Variants in ZFHX3 observed in about 807,000 individuals in gnomAD.
ZFHX3 encodes zinc finger homeobox 3.
Under a neutral mutation model 279.1 loss-of-function variants are expected in ZFHX3, and 42 were observed. That is an observed-to-expected ratio of 0.15 (90% CI 0.12 to 0.19). The LOEUF is 0.19. Ranked by LOEUF, ZFHX3 falls within the 10% of genes least tolerant of loss-of-function variation. The pLI is 1.00. For missense variants in ZFHX3, 4,981 were observed against 4,754.0 expected (o/e 1.05, Z -1.40); for synonymous variants, 2,293 against 1,957.8 (o/e 1.17, Z -4.52).
chr16:73,716,361 T>G (rs1242110793), intron 1 of ZFHX3, among the ~76,000 whole-genome samples: 1 of 152,170 alleles, frequency 6.6e-6, no homozygotes, highest in East Asian at 1.9e-4. Context: ...AGATTCAGCA[T>G]GTAATTTCCA....
At chr16:73,096,320 G>A (rs1305473167) in intron 7 of ZFHX3, among the ~76,000 whole-genome samples, 4 of 151,528 alleles carry the variant, frequency 2.6e-5, no homozygotes, top group Non-Finnish European at 1.5e-5. Flanking sequence ...CCTCCATCTC[G>A]TAGGCGCTCT....
intron 1 of ZFHX3, among the ~76,000 whole-genome samples, chr16:73,013,607 T>A (rs182068366): frequency 2.5e-4 from 38 of 152,070 alleles, no homozygotes; most frequent in Non-Finnish European, 4.1e-4. Context: ...TTATAAACAC[T>A]CTCTTTTATT....
At chr16:73,890,826 A>G (rs551081669) in intron 1 of ZFHX3, among the ~76,000 whole-genome samples, 1 of 152,222 alleles carries the variant, frequency 6.6e-6, no homozygotes, top group South Asian at 2.1e-4. Flanking sequence ...TTAAAATTCA[A>G]ATTTCACACT....
chr16:73,306,050 G>C (rs1220206616), intron 4 of ZFHX3, among the ~76,000 whole-genome samples: 2 of 152,202 alleles, frequency 1.3e-5, no homozygotes, highest in Admixed American at 6.5e-5. Flanking sequence ...CAAAATCTCA[G>C]GTGACGCTGA....
chr16:72,906,805 T>TC (rs972910660), intron 3 of ZFHX3, among the ~76,000 whole-genome samples: 7 of 151,346 alleles, frequency 4.6e-5, no homozygotes, highest in African/African-American at 7.3e-5. Context: ...CCACCCCCCT[T>TC]CCCCCCCTCA....
At chr16:73,388,319 C>T (rs538121536) in intron 3 of ZFHX3, among the ~76,000 whole-genome samples, 1 of 152,136 alleles carries the variant, frequency 6.6e-6, no homozygotes, top group African/African-American at 2.4e-5. Flanking sequence ...AAGGAATGGA[C>T]AATTGACAAA....
chr16:73,434,781 G>A (rs1215877464), intron 3 of ZFHX3, among the ~76,000 whole-genome samples: 4 of 152,132 alleles, frequency 2.6e-5, no homozygotes, highest in African/African-American at 4.8e-5. Flanking sequence ...GAAGGTCAGT[G>A]ACTTCAACAG....
chr16:73,437,546 A>C (rs1057332735), intron 3 of ZFHX3, among the ~76,000 whole-genome samples: 2 of 152,176 alleles, frequency 1.3e-5, no homozygotes, highest in African/African-American at 4.8e-5. Context: ...GACTCCCCCA[A>C]AGATTTTTAC....
intron 3 of ZFHX3, chr16:73,421,097 G>A (rs1462378984): frequency 1.3e-5 from 2 of 152,106 alleles, no homozygotes; most frequent in Non-Finnish European, 2.9e-5. Context: ...TAACATGCCA[G>A]TTGATACCAC....
intron 5 of ZFHX3, among the ~76,000 whole-genome samples, chr16:73,181,407 A>G (rs1967793968): frequency 6.6e-6 from 1 of 152,166 alleles, no homozygotes; most frequent in African/African-American, 2.4e-5. Flanking sequence ...GCTAGTTTTT[A>G]GAGCCCCATG....
At position 72,935,237 on chromosome 16, in the gene ZFHX3, G is replaced by A. The variant is rs1960054384; in HGVS notation, c.3216+15232C>T. Reference sequence around the variant, plus strand: ...ACATGGGACAGGAGGAGAGAAGCAGGTCAGAGCTTCTCTCACTGGGAATAT... The same window carrying A: ...ACATGGGACAGGAGGAGAGAAGCAGATCAGAGCTTCTCTCACTGGGAATAT... On this transcript the variant is annotated intron_variant, in intron 3 of 9. Coordinates refer to ENST00000268489, the MANE Select transcript of ZFHX3 (RefSeq NM_006885.4). Among the ~76,000 whole-genome samples the A allele has an allele frequency of 2.0e-5, 3 of 152,168 alleles. No homozygotes were observed. In the South Asian group the frequency reaches 6.2e-4, roughly 31 times the overall value.
chr16:73,004,759 C>T (rs1963645637), intron 1 of ZFHX3, among the ~76,000 whole-genome samples: 1 of 152,112 alleles, frequency 6.6e-6, no homozygotes, highest in South Asian at 2.1e-4. Flanking sequence ...TTTAAGTAGA[C>T]TACATCAATC....
At chr16:72,875,206 CAA>C (rs1567559215) in intron 4 of ZFHX3, among the ~76,000 whole-genome samples, 1 of 152,252 alleles carries the variant, frequency 6.6e-6, no homozygotes, top group Non-Finnish European at 1.5e-5. Context: ...TAGGGAATTC[CAA>C]ACTTACAGGC....
At chr16:73,820,513 C>G (rs567487730) in intron 1 of ZFHX3, among the ~76,000 whole-genome samples, 1 of 152,090 alleles carries the variant, frequency 6.6e-6, no homozygotes, top group African/African-American at 2.4e-5. Flanking sequence ...ATGATAGGTT[C>G]TGGTCAACTG....
At chr16:73,121,234 A>G (rs1267118420) in intron 7 of ZFHX3, among the ~76,000 whole-genome samples, 4 of 152,256 alleles carry the variant, frequency 2.6e-5, no homozygotes, top group Admixed American at 6.5e-5. Context: ...ATTGAGATGT[A>G]CTGTAAGTAT....
At position 72,842,067 on chromosome 16, in the gene ZFHX3, A is replaced by G. The variant is rs563396175; in HGVS notation, c.3449-12208T>C. 3.9e-5 allele frequency among the ~76,000 whole-genome samples: 6 copies of G among 152,336 alleles called. No individual in the cohort carries two copies. In the South Asian group the frequency reaches 1.2e-3, roughly 32 times the overall value. On this transcript the variant is annotated intron_variant, in intron 4 of 9. Coordinates refer to ENST00000268489, the MANE Select transcript of ZFHX3 (RefSeq NM_006885.4). ...GATCTATAGAAATTTGTAGCACACA[A>G]TTACATTTTAAAGAAATAATCTGGG...
At chr16:73,536,483 C>T (rs570939289) in intron 2 of ZFHX3, among the ~76,000 whole-genome samples, 2 of 152,290 alleles carry the variant, frequency 1.3e-5, no homozygotes, top group South Asian at 2.1e-4. Context: ...AAAGTCAATG[C>T]ACTGCAGAAA....
chr16:73,134,906 G>T (rs1239168323), intron 6 of ZFHX3, among the ~76,000 whole-genome samples: 2 of 151,904 alleles, frequency 1.3e-5, no homozygotes, highest in East Asian at 3.9e-4. Context: ...TTGAAGTCAG[G>T]CCCAAGCAGC....
intron 2 of ZFHX3, among the ~76,000 whole-genome samples, chr16:73,574,420 G>T (rs911099109): frequency 3.9e-5 from 6 of 152,198 alleles, no homozygotes; most frequent in Middle Eastern, 6.8e-3. Context: ...ACCTTAGTTT[G>T]GAAGCCTTAG....
Sources: gnomAD v4.1 joint callset for allele counts (sites outside exome capture counted in the v4.1 genomes callset) on GRCh38, gnomAD v4.1.1 for gene constraint, MANE v1.5 for transcripts, NCBI Gene and HGNC (gene_info 2026-07-23, HGNC 2026-07-21) for gene names.